Variants in KCNMA1 observed in about 807,000 individuals in gnomAD.
KCNMA1 encodes potassium calcium-activated channel subfamily M alpha 1, also known as Calcium-activated potassium channel subunit alpha-1.
A neutral mutation model predicts 140.0 loss-of-function variants in KCNMA1; 29 were observed. The ratio of observed to expected loss-of-function variants is 0.21; its 90% CI spans 0.15 to 0.28. KCNMA1 has a LOEUF of 0.28. KCNMA1 is among the 10% of genes least tolerant of loss of function. The pLI, the probability that KCNMA1 is intolerant of heterozygous loss-of-function variation, is 1.00. For synonymous variants in KCNMA1, 612 were observed against 611.9 expected, an observed-to-expected ratio of 1.00 and a Z score of 0.00; for missense variants, 880 against 1,602.2, an observed-to-expected ratio of 0.55 and a Z score of 7.70.
At chr10:76,948,171 A>AT (rs906591565) in intron 22 of KCNMA1, among the ~76,000 whole-genome samples, 9 of 151,932 alleles carry the variant, frequency 5.9e-5, no homozygotes, top group Middle Eastern at 3.4e-3. Context: ...CATCAGGCTA[A>AT]TTTTTTTAAC....
chr10:76,975,014 T>G (rs11001953), intron 19 of KCNMA1, among the ~76,000 whole-genome samples: 1 of 152,302 alleles, frequency 6.6e-6, no homozygotes, highest in East Asian at 1.9e-4. Flanking sequence ...ACTGCCGGCT[T>G]GGTCAGCCCC....
intron 5 of KCNMA1, among the ~76,000 whole-genome samples, chr10:77,165,311 A>G (rs1019248401): frequency 6.4e-4 from 98 of 152,354 alleles, no homozygotes; most frequent in African/African-American, 2.3e-3. Context: ...TGGTTCATAA[A>G]TCAGTTCTGA....
At chr10:77,340,207 A>C (rs1330665769) in intron 2 of KCNMA1, among the ~76,000 whole-genome samples, 2 of 152,172 alleles carry the variant, frequency 1.3e-5, no homozygotes, top group African/African-American at 2.4e-5. Flanking sequence ...AAAAGTCAGG[A>C]AACAACAGGT....
downstream of KCNMA1, chr10:76,877,604 C>T (rs1452511710): frequency 9.5e-6 from 7 of 734,776 alleles, no homozygotes; most frequent in Admixed American, 2.0e-4. Flanking sequence ...AGAGAAAGAT[C>T]TGTCTACTTT....
chr10:77,183,246 G>A (rs913091889), intron 5 of KCNMA1, among the ~76,000 whole-genome samples, 175 bp downstream of exon 5: 2 of 152,164 alleles, frequency 1.3e-5, no homozygotes, highest in Non-Finnish European at 2.9e-5. Flanking sequence ...ACCCTTTGGG[G>A]CTAGTGCTCC....
intron 22 of KCNMA1, among the ~76,000 whole-genome samples, chr10:76,947,559 A>G (rs988248730): frequency 3.3e-5 from 5 of 152,206 alleles, no homozygotes; most frequent in South Asian, 2.1e-4. Flanking sequence ...CATGACAGAA[A>G]GATAACCATG....
At chr10:77,051,063 G>C (rs2095344913) in intron 14 of KCNMA1, among the ~76,000 whole-genome samples, 1 of 151,918 alleles carries the variant, frequency 6.6e-6, no homozygotes, top group South Asian at 2.1e-4. Context: ...GCAATATCAT[G>C]ACTATATTGA....
intron 10 of KCNMA1, 131 bp downstream of exon 10, chr10:77,090,269 T>A (rs1041638496): frequency 1.3e-6 from 1 of 748,778 alleles, no homozygotes; most frequent in African/African-American, 1.7e-5. Flanking sequence ...CCAAAAGGGA[T>A]CATGGCTTAC....
intron 1 of KCNMA1, among the ~76,000 whole-genome samples, chr10:77,505,406 C>G (rs2045462007): frequency 6.6e-6 from 1 of 152,208 alleles, no homozygotes. Context: ...TTACAAGGCT[C>G]TAGGAGATGT....
intron 18 of KCNMA1, among the ~76,000 whole-genome samples, chr10:77,002,779 T>C (rs560406327): frequency 6.6e-6 from 1 of 152,212 alleles, no homozygotes; most frequent in African/African-American, 2.4e-5. Flanking sequence ...GCAAACATGT[T>C]TGCTTATCAC....
rs145953997 is a variant in KCNMA1, at chr10:77,617,227, A to C, written c.378+20038T>G. ...CCAAGGTGAAGCACATCACCACAGG[A>C]GTGAGACAAGAAACCCGGGAAGCAG... On this transcript the variant is annotated intron_variant, in intron 1 of 27. Transcript: ENST00000286628. Among the ~76,000 whole-genome samples the C allele has an allele frequency of 2.1e-3, 313 of 152,320 alleles. 1 individual carries two copies. The highest frequency in any genetic ancestry group is 3.5e-3 in the Non-Finnish European group (235 of 68,038).
At position 77,574,728 on chromosome 10, in the gene KCNMA1, C is replaced by T. The variant is rs190341174; in HGVS notation, c.378+62537G>A. Among the ~76,000 whole-genome samples, 186 of 152,274 alleles carry T rather than the reference C, an allele frequency of 1.2e-3. 2 individuals are homozygous for T. The highest frequency in any genetic ancestry group is 1.9e-3 in the Non-Finnish European group (129 of 68,016). ...TGCTCACATAAAATTGGAGAAATGA[C>T]GACTCCTAGCTCATAGAATGGTCGT... On this transcript the variant is annotated intron_variant, in intron 1 of 27. Transcript: ENST00000286628.
rs141408049 is a variant in KCNMA1, at chr10:77,238,431, G to A, written c.602+12764C>T. The stretch of plus-strand genomic sequence containing the variant: ...TGCTAACCCACAATACACAAGAGAA[G>A]CAAATCAAAGAGCTCTTAGGCTTGG... On this transcript the variant is annotated intron_variant, in intron 3 of 27. Coordinates refer to ENST00000286628, the MANE Select transcript of KCNMA1 (RefSeq NM_001161352.2). Among the ~76,000 whole-genome samples the A allele has an allele frequency of 2.8e-3, 430 of 152,266 alleles. 3 individuals are homozygous for A. Among genetic ancestry groups the A allele is most frequent in the African/African-American group, 9.9e-3 (410 of 41,560 alleles).
intron 2 of KCNMA1, among the ~76,000 whole-genome samples, chr10:77,281,912 C>T (rs950027463): frequency 9.2e-5 from 14 of 152,012 alleles, no homozygotes; most frequent in East Asian, 1.9e-4. Context: ...GGTTGGGGAG[C>T]GGACTGAAGG....
intron 3 of KCNMA1, among the ~76,000 whole-genome samples, chr10:77,237,358 G>C (rs1331654800): frequency 6.6e-6 from 1 of 152,214 alleles, no homozygotes; most frequent in African/African-American, 2.4e-5. Flanking sequence ...GGCTTGCCCA[G>C]GACAGCTACA....
chr10:77,565,057 C>A (rs546522286), intron 1 of KCNMA1, among the ~76,000 whole-genome samples: 2 of 152,286 alleles, frequency 1.3e-5, no homozygotes, highest in South Asian at 4.1e-4. Context: ...TCGGCCAAAT[C>A]GCCCTCTGGG....
chr10:77,511,082 C>T (rs947906695), intron 1 of KCNMA1, among the ~76,000 whole-genome samples: 3 of 152,316 alleles, frequency 2.0e-5, no homozygotes, highest in Middle Eastern at 3.4e-3. Context: ...GGGGCTGCTG[C>T]AGATCAGCAG....
rs759115808 is a variant in KCNMA1 at position 77,158,680 on chromosome 10, G to T, written c.808+24741C>A. The stretch of plus-strand genomic sequence containing the variant: ...TAAGAAGTTGTCTTGAGACCCCTTT[G>T]TTTCATAGGGAGGAAGGTTTCCCAG... On this transcript the variant is annotated intron_variant, in intron 5 of 27. Transcript: ENST00000286628. 3.7e-4 allele frequency among the ~76,000 whole-genome samples: 56 copies of T among 152,132 alleles called. 2 individuals carry two copies. Among genetic ancestry groups the T allele is most frequent in the Non-Finnish European group, 1.2e-4 (8 of 68,034 alleles).
At chr10:77,079,398 G>GTGTA in intron 13 of KCNMA1, 83 bp downstream of exon 13, 1 of 784,046 alleles carries the variant, frequency 1.3e-6, no homozygotes, top group Non-Finnish European at 2.3e-6. Flanking sequence ...GTGTGTGTGT[G>GTGTA]TGTGTGAGCC....
Sources: gnomAD v4.1 joint callset for allele counts (sites outside exome capture counted in the v4.1 genomes callset) on GRCh38, gnomAD v4.1.1 for gene constraint, MANE v1.5 for transcripts, NCBI Gene and HGNC (gene_info 2026-07-23, HGNC 2026-07-21) for gene names.